GRIK2: variants seen among roughly 807,000 people sequenced by gnomAD.
The protein encoded by GRIK2 is glutamate receptor ionotropic, kainate 2.
A neutral mutation model predicts 100.3 loss-of-function variants in GRIK2; 32 were observed. The observed-to-expected ratio is 0.32, with a 90% CI of 0.24 to 0.43. The LOEUF is 0.43. GRIK2 is among the 20% of genes least tolerant of loss of function. GRIK2 has a pLI of 1.00. For synonymous variants in GRIK2, 417 were observed against 389.4 expected (o/e 1.07, Z -0.83); for missense variants, 843 against 1,114.9 (o/e 0.76, Z 3.47).
intron 15 of GRIK2, among the ~76,000 whole-genome samples, chr6:102,049,784 T>C (rs1771076599): frequency 6.6e-6 from 1 of 152,152 alleles, no homozygotes; most frequent in Admixed American, 6.6e-5. Flanking sequence ...TTGTAATTGA[T>C]TAAAGCATAC....
At chr6:101,876,391 G>C (rs1348344735) in intron 11 of GRIK2, among the ~76,000 whole-genome samples, 1 of 151,322 alleles carries the variant, frequency 6.6e-6, no homozygotes, top group African/African-American at 2.4e-5. Flanking sequence ...TTCCTTTCTG[G>C]TATTTCACAA....
chr6:101,629,584 T>G (rs548537283), intron 4 of GRIK2, among the ~76,000 whole-genome samples: 68 of 152,232 alleles, frequency 4.5e-4, no homozygotes, highest in Non-Finnish European at 8.5e-4. Flanking sequence ...CTTTACAGCA[T>G]TTTTGAGAAC....
At chr6:101,904,260 T>C (rs948456293) in intron 12 of GRIK2, among the ~76,000 whole-genome samples, 5 of 151,528 alleles carry the variant, frequency 3.3e-5, no homozygotes, top group African/African-American at 1.2e-4. Flanking sequence ...CTAATGGAAT[T>C]ATCAGTGCTC....
intron 11 of GRIK2, among the ~76,000 whole-genome samples, chr6:101,873,252 C>A (rs1424323628): frequency 4.9e-5 from 6 of 122,314 alleles, no homozygotes; most frequent in Non-Finnish European, 1.0e-4. Context: ...CCCCTCCCCC[C>A]ACCCCACAAT....
chr6:102,055,208 G>A (rs1771405368), intron 15 of GRIK2, 122 bp from the exon 16 acceptor site: 1 of 643,210 alleles, frequency 1.6e-6, no homozygotes, highest in African/African-American at 1.8e-5. Flanking sequence ...TTTCTCTTCT[G>A]AAAAAACATT....
chr6:101,612,161 T>C (rs1247096888), intron 2 of GRIK2, among the ~76,000 whole-genome samples: 2 of 151,860 alleles, frequency 1.3e-5, no homozygotes, highest in Non-Finnish European at 2.9e-5. Flanking sequence ...AGGAAGGCAC[T>C]GAGGATGCTA....
intron 7 of GRIK2, among the ~76,000 whole-genome samples, chr6:101,791,086 ATTCT>A (rs1779818524): frequency 6.6e-6 from 1 of 151,550 alleles, no homozygotes; most frequent in Non-Finnish European, 1.5e-5. Flanking sequence ...CGTCTATTTG[ATTCT>A]TCTCTCTTTT....
intron 2 of GRIK2, among the ~76,000 whole-genome samples, chr6:101,477,165 C>G (rs139376931): frequency 6.6e-6 from 1 of 152,030 alleles, no homozygotes. Context: ...GGGTTGCATA[C>G]AGTCCTTAAG....
chr6:101,439,633 C>T (rs990866994), intron 2 of GRIK2, among the ~76,000 whole-genome samples: 1 of 152,030 alleles, frequency 6.6e-6, no homozygotes, highest in African/African-American at 2.4e-5. Flanking sequence ...TTTCAATTTC[C>T]TTAATGAAAG....
At chr6:101,566,124 G>A (rs1777261310) in intron 2 of GRIK2, among the ~76,000 whole-genome samples, 1 of 151,578 alleles carries the variant, frequency 6.6e-6, no homozygotes, top group Non-Finnish European at 1.5e-5. Flanking sequence ...TGCTGTCTCA[G>A]GGGTGACAGA....
chr6:101,884,570 C>T (rs1347909769), intron 11 of GRIK2, among the ~76,000 whole-genome samples: 1 of 151,992 alleles, frequency 6.6e-6, no homozygotes, highest in African/African-American at 2.4e-5. Flanking sequence ...AGAAATTAGA[C>T]CAATAATTTT....
Position 102,038,338 on chromosome 6 carries a change from A to ATGTT in GRIK2, c.2311+2774_2311+2777dup, listed in dbSNP as rs1304321474. On this transcript the variant is annotated intron_variant, in intron 15 of 16. Coordinates refer to ENST00000369134, the MANE Select transcript of GRIK2 (RefSeq NM_021956.5). ...GGGAAGAGCTGAAATAAATTAACCC[A>ATGTT]TGTTTTAGTATCATTTCTGAAAGGA... Among the ~76,000 whole-genome samples, 13 of 151,424 alleles carry ATGTT rather than the reference A, an allele frequency of 8.6e-5. No homozygotes were observed. In the East Asian group the frequency reaches 2.5e-3, roughly 30 times the overall value.
At chr6:102,068,257 C>G in intron 16 of GRIK2, 90 bp from the exon 17 acceptor site, 1 of 906,716 alleles carries the variant, frequency 1.1e-6, no homozygotes, top group Non-Finnish European at 1.7e-6. Context: ...TGTTATGTGA[C>G]AAGTCTGTTG....
At chr6:101,671,798 A>G (rs993344067) in intron 4 of GRIK2, among the ~76,000 whole-genome samples, 14 of 152,122 alleles carry the variant, frequency 9.2e-5, no homozygotes, top group Non-Finnish European at 1.8e-4. Flanking sequence ...CAGGAGGCGG[A>G]GGTTGTAGTG....
intron 12 of GRIK2, among the ~76,000 whole-genome samples, chr6:101,909,802 AGATT>A (rs1439493716): frequency 1.4e-4 from 21 of 151,376 alleles, no homozygotes; most frequent in African/African-American, 4.6e-4. Flanking sequence ...AGATATATAT[AGATT>A]AATTCTCATT....
intron 7 of GRIK2, among the ~76,000 whole-genome samples, chr6:101,794,221 C>G (rs11156156): frequency 0.11 from 16,931 of 152,128 alleles, 2,054 homozygotes; most frequent in East Asian, 0.67. Context: ...CACTGCTGTT[C>G]TGTGCCCACT....
intron 14 of GRIK2, among the ~76,000 whole-genome samples, chr6:102,020,106 C>T (rs1005930966): frequency 5.3e-5 from 8 of 151,850 alleles, no homozygotes; most frequent in Admixed American, 1.3e-4. Flanking sequence ...AAGTAAATGA[C>T]ATTCCACAGA....
At chr6:101,794,927 G>A (rs371047842) in intron 7 of GRIK2, among the ~76,000 whole-genome samples, 7 of 149,648 alleles carry the variant, frequency 4.7e-5, no homozygotes, top group Admixed American at 1.3e-4. Flanking sequence ...ATGCAGTGGC[G>A]CCATCTTGGC....
chr6:101,894,780 G>GA (rs1554281994), intron 12 of GRIK2, among the ~76,000 whole-genome samples: 2 of 151,144 alleles, frequency 1.3e-5, no homozygotes, highest in African/African-American at 2.4e-5. Flanking sequence ...TATATGTTAG[G>GA]TTTTTTTTCC....
Sources: allele counts gnomAD v4.1 joint callset (sites outside exome capture counted in the v4.1 genomes callset), GRCh38; gene constraint gnomAD v4.1.1; transcripts MANE v1.5; gene names NCBI Gene and HGNC (gene_info 2026-07-23, HGNC 2026-07-21).